The following CDYL variants were observed in gnomAD, a reference collection of about 807,000 sequenced individuals.
CDYL encodes chromodomain Y-like protein.
In CDYL, 8 loss-of-function variants were observed where a neutral mutation model predicts 47.3. The ratio of observed to expected loss-of-function variants is 0.17; its 90% confidence interval spans 0.10 to 0.31. The LOEUF (loss-of-function observed/expected upper bound fraction) is 0.31, where lower values mean the gene tolerates loss of function less well. CDYL is among the 10% of genes least tolerant of loss of function. The probability of loss-of-function intolerance (pLI) is 1.00; values close to 1 mark genes in which losing one functional copy is unlikely to be tolerated. For synonymous variants in CDYL, 266 were observed against 265.0 expected (o/e 1.00, Z -0.04); for missense variants, 471 against 701.4 (o/e 0.67, Z 3.71).
chr6:4,909,000 A>G (rs1561702812), intron 2 of CDYL, among the ~76,000 whole-genome samples: 1 of 152,238 alleles, frequency 6.6e-6, no homozygotes, highest in African/African-American at 2.4e-5. Context: ...ATGTTCGTGT[A>G]CAGGAGTGTA....
chr6:4,724,273 A>C (rs1391110159), intron 2 of CDYL: 1 of 151,592 alleles, frequency 6.6e-6, no homozygotes, highest in East Asian at 1.9e-4. Flanking sequence ...CTGGTCTCAA[A>C]CTCCTGACTT....
chr6:4,771,810 G>T (rs919778186), upstream of CDYL, among the ~76,000 whole-genome samples: 1 of 152,210 alleles, frequency 6.6e-6, no homozygotes, highest in Non-Finnish European at 1.5e-5. Context: ...AATAATTCAA[G>T]GGAAAGTTAA....
intron 2 of CDYL, among the ~76,000 whole-genome samples, chr6:4,892,967 C>A (rs1344538112): frequency 6.6e-6 from 1 of 152,222 alleles, no homozygotes; most frequent in African/African-American, 2.4e-5. Flanking sequence ...TCCCCAGCCC[C>A]GCTCCTGGGT....
chr6:4,919,625 T>A (rs1015348088), intron 2 of CDYL, among the ~76,000 whole-genome samples: 4 of 152,330 alleles, frequency 2.6e-5, no homozygotes, highest in African/African-American at 2.4e-5. Flanking sequence ...GTTACTAACC[T>A]CTCTCCAACA....
At chr6:4,901,873 C>T (rs1289368681) in intron 2 of CDYL, among the ~76,000 whole-genome samples, 1 of 152,144 alleles carries the variant, frequency 6.6e-6, no homozygotes, top group Non-Finnish European at 1.5e-5. Context: ...TTCTCATACC[C>T]CACCCCACCC....
intron 1 of CDYL, among the ~76,000 whole-genome samples, chr6:4,852,113 G>C (rs1299164638): frequency 6.6e-6 from 1 of 152,156 alleles, no homozygotes; most frequent in African/African-American, 2.4e-5. Context: ...GCACCAGGCA[G>C]AAATCCCATT....
chr6:4,731,270 A>G (rs1424819862), intron 2 of CDYL, among the ~76,000 whole-genome samples: 1 of 152,198 alleles, frequency 6.6e-6, no homozygotes, highest in African/African-American at 2.4e-5. Flanking sequence ...GTGTTCACAT[A>G]AATCATGGAT....
At chr6:4,906,271 T>G (rs566581926) in intron 2 of CDYL, among the ~76,000 whole-genome samples, 2 of 152,266 alleles carry the variant, frequency 1.3e-5, no homozygotes, top group African/African-American at 2.4e-5. Context: ...TGCATGACAC[T>G]TTCAGCAAAG....
intron 3 of CDYL, among the ~76,000 whole-genome samples, 162 bp from the exon 4 acceptor site, chr6:4,937,403 G>A (rs1758229076): frequency 6.6e-6 from 1 of 152,188 alleles, no homozygotes; most frequent in Admixed American, 6.5e-5. Flanking sequence ...GGCGGAGGCG[G>A]GAGGATTGTT....
chr6:4,745,479 G>GT (rs900922323), intron 3 of CDYL, among the ~76,000 whole-genome samples: 3 of 152,028 alleles, frequency 2.0e-5, no homozygotes, highest in African/African-American at 7.3e-5. Context: ...GCTCACGCCT[G>GT]TAATCTCAGC....
chr6:4,740,824 T>C (rs1232976127), intron 3 of CDYL, among the ~76,000 whole-genome samples: 2 of 151,780 alleles, frequency 1.3e-5, no homozygotes, highest in Non-Finnish European at 2.9e-5. Context: ...TCTTGCTCTG[T>C]CACCTAGGCT....
chr6:4,944,429 T>C (rs115717302), intron 5 of CDYL, among the ~76,000 whole-genome samples: 2,050 of 152,274 alleles, frequency 0.013, 47 homozygotes, highest in African/African-American at 0.047. Context: ...GGGTGGGATG[T>C]GCGGGAAGCG....
intron 1 of CDYL, among the ~76,000 whole-genome samples, chr6:4,789,617 A>G (rs1758864223): frequency 6.6e-6 from 1 of 152,204 alleles, no homozygotes; most frequent in Non-Finnish European, 1.5e-5. Flanking sequence ...TTGAGGGGCC[A>G]TGTGCATCAG....
intron 4 of CDYL, among the ~76,000 whole-genome samples, chr6:4,939,660 C>G (rs974583948): frequency 6.6e-6 from 1 of 152,152 alleles, no homozygotes; most frequent in Admixed American, 6.5e-5. Context: ...GTGGGACCAT[C>G]TTGTTCTTCA....
intron 1 of CDYL, among the ~76,000 whole-genome samples, chr6:4,712,598 G>A (rs948132075): frequency 1.2e-4 from 18 of 152,238 alleles, no homozygotes; most frequent in African/African-American, 4.3e-4. Context: ...GTACTCTCAT[G>A]CCCTGTGTCT....
intron 1 of CDYL, among the ~76,000 whole-genome samples, chr6:4,809,516 T>C (rs145952464): frequency 2.2e-3 from 329 of 152,058 alleles, no homozygotes; most frequent in African/African-American, 7.4e-3. Flanking sequence ...TAGTCCTTGG[T>C]GATCCTTTGT....
intron 3 of CDYL, among the ~76,000 whole-genome samples, chr6:4,765,115 GGGT>G (rs199518629): frequency 0.012 from 1,760 of 152,252 alleles, 85 homozygotes; most frequent in Admixed American, 0.08. Context: ...CTGAGGTCAG[GGGT>G]TTGAAACCAG....
chr6:4,925,551 G>C (rs1757846580), intron 2 of CDYL, among the ~76,000 whole-genome samples: 1 of 151,830 alleles, frequency 6.6e-6, no homozygotes, highest in Non-Finnish European at 1.5e-5. Flanking sequence ...GAGTAGCTGG[G>C]ACTACAGGCA....
At chr6:4,864,380 A>C (rs1761260783) in intron 1 of CDYL, among the ~76,000 whole-genome samples, 1 of 152,244 alleles carries the variant, frequency 6.6e-6, no homozygotes, top group Non-Finnish European at 1.5e-5. Flanking sequence ...TAAAATTGGG[A>C]AACATTTTAT....
Sources: gnomAD v4.1 joint callset for allele counts (sites outside exome capture counted in the v4.1 genomes callset) on GRCh38, gnomAD v4.1.1 for gene constraint, MANE v1.5 for transcripts, NCBI Gene and HGNC (gene_info 2026-07-23, HGNC 2026-07-21) for gene names.